ASXL2: variants seen among roughly 807,000 people sequenced by gnomAD.
The protein encoded by ASXL2 is putative Polycomb group protein ASXL2.
ASXL2 carries 23 observed loss-of-function variants against 122.0 expected under a neutral mutation model. The ratio of observed to expected loss-of-function variants is 0.19; its 90% CI spans 0.14 to 0.27. ASXL2 has a LOEUF of 0.27. Ranked by LOEUF, ASXL2 falls within the 10% of genes least tolerant of loss-of-function variation. The pLI, the probability that ASXL2 is intolerant of heterozygous loss-of-function variation, is 1.00. For synonymous variants in ASXL2, 650 were observed against 637.0 expected (o/e 1.02, Z -0.31); for missense variants, 1,518 against 1,713.8 (o/e 0.89, Z 2.02).
At chr2:25,765,415 G>A (rs960536174) in intron 8 of ASXL2, among the ~76,000 whole-genome samples, 1 of 152,012 alleles carries the variant, frequency 6.6e-6, no homozygotes, top group Non-Finnish European at 1.5e-5. Context: ...GAACACGGGA[G>A]GCAGAGCTTG....
intron 3 of ASXL2, among the ~76,000 whole-genome samples, chr2:25,829,811 T>C (rs549517096): frequency 6.6e-6 from 1 of 152,246 alleles, no homozygotes; most frequent in East Asian, 1.9e-4. Context: ...TGGGAGAAGA[T>C]CACAAAAATA....
chr2:25,839,637 T>A (rs2089553293), intron 2 of ASXL2, among the ~76,000 whole-genome samples: 3 of 131,544 alleles, frequency 2.3e-5, no homozygotes, highest in African/African-American at 8.9e-5. Context: ...TTTTTTTTTT[T>A]AAGAGGCAGG....
At chr2:25,824,478 T>TACAC (rs140466165) in intron 3 of ASXL2, among the ~76,000 whole-genome samples, 51 of 148,730 alleles carry the variant, frequency 3.4e-4, no homozygotes, top group African/African-American at 7.6e-4. Flanking sequence ...AGTGTGCACG[T>TACAC]ACACACACAC....
At chr2:25,781,951 C>CGG (rs371416553) in intron 5 of ASXL2, among the ~76,000 whole-genome samples, 1 of 21,302 alleles carries the variant, frequency 4.7e-5, no homozygotes, top group African/African-American at 1.4e-4. Context: ...CGTGAGCCAC[C>CGG]GCCCGGGCTT....
At chr2:25,777,033 T>TAA (rs2088557406) in intron 5 of ASXL2, among the ~76,000 whole-genome samples, 1 of 152,204 alleles carries the variant, frequency 6.6e-6, no homozygotes. Flanking sequence ...TTCCCAGAGT[T>TAA]GACTTAATGC....
intron 5 of ASXL2, among the ~76,000 whole-genome samples, chr2:25,774,093 T>C (rs1202361163): frequency 6.6e-6 from 1 of 151,790 alleles, no homozygotes; most frequent in Non-Finnish European, 1.5e-5. Flanking sequence ...AAGTATAAAA[T>C]TTGAGGCCTA....
intron 8 of ASXL2, among the ~76,000 whole-genome samples, chr2:25,766,164 C>T (rs939746564): frequency 8.6e-5 from 13 of 151,966 alleles, no homozygotes; most frequent in Admixed American, 7.2e-4. Context: ...ATTCTTGAAT[C>T]TTTCTATGTG....
intron 5 of ASXL2, among the ~76,000 whole-genome samples, chr2:25,796,829 T>C (rs2088917976): frequency 6.6e-6 from 1 of 152,228 alleles, no homozygotes. Flanking sequence ...ACTATCCTCA[T>C]GTGGCTATTT....
chr2:25,794,278 C>A (rs1447748616), intron 5 of ASXL2, among the ~76,000 whole-genome samples: 1 of 152,152 alleles, frequency 6.6e-6, no homozygotes, highest in Non-Finnish European at 1.5e-5. Flanking sequence ...ATTCTTAAGA[C>A]ACTTTAAAAG....
intron 1 of ASXL2, among the ~76,000 whole-genome samples, chr2:25,860,338 A>AT (rs2089828697): frequency 6.6e-6 from 1 of 151,772 alleles, no homozygotes; most frequent in African/African-American, 2.4e-5. Flanking sequence ...GGAAACAAAA[A>AT]AATATATATA....
Position 25,771,530 on chromosome 2 carries a change from G to C in ASXL2, c.414C>G (p.Ser138=). 6.2e-7 allele frequency: 1 copy of C among 1,609,614 alleles called. No individual in the cohort carries two copies. The highest frequency in any genetic ancestry group is 1.1e-5 in the South Asian group (1 of 90,722). The part of the protein sequence containing the change: ...KSRWKRKVSS[S]SPQSGCPSPT... Reference sequence around the variant, plus strand: ...GTGATGGGCAGCCTGACTGCGGGGAGGACGACGATACTAGGGAAAAAAAAG... The same window carrying C: ...GTGATGGGCAGCCTGACTGCGGGGACGACGACGATACTAGGGAAAAAAAAG... Residue 138 remains serine, a synonymous_variant, in exon 6 of 13, where the codon TCC becomes TCG. Coordinates refer to ENST00000435504, the MANE Select transcript of ASXL2 (RefSeq NM_018263.6).
intron 1 of ASXL2, among the ~76,000 whole-genome samples, chr2:25,877,441 TA>T (rs1262124111): frequency 1.3e-5 from 2 of 152,170 alleles, no homozygotes; most frequent in Non-Finnish European, 2.9e-5. Context: ...GCCCACTAAT[TA>T]CAACTTCATT....
chr2:25,775,516 T>C (rs1040636442), intron 5 of ASXL2, among the ~76,000 whole-genome samples: 4 of 152,182 alleles, frequency 2.6e-5, no homozygotes, highest in African/African-American at 7.2e-5. Flanking sequence ...GACTGGATCA[T>C]GGGGGCAGCT....
intron 8 of ASXL2, among the ~76,000 whole-genome samples, chr2:25,767,357 G>C (rs181258709): frequency 9.8e-4 from 150 of 152,294 alleles, no homozygotes; most frequent in Admixed American, 2.6e-3. Flanking sequence ...AGAGCTCAAA[G>C]GTAAACAGGG....
intron 3 of ASXL2, chr2:25,822,776 C>T (rs2089328020): frequency 1.7e-6 from 1 of 584,866 alleles, no homozygotes; most frequent in Non-Finnish European, 3.4e-6. Context: ...GTGTGGACTT[C>T]AGTAATTGGA....
rs759849507 is a variant in ASXL2 at position 25,767,755 on chromosome 2, G to A, written c.632-29C>T. On this transcript the variant is annotated intron_variant, in intron 7 of 12. Coordinates refer to ENST00000435504, the MANE Select transcript of ASXL2 (RefSeq NM_018263.6). ...GGAGAAAAAAATACGTATAAAGACT[G>A]GTAGCACTGAGATTATAGACAGAAT... 5 of 1,610,930 alleles carry A rather than the reference G, an allele frequency of 3.1e-6. No individual in the cohort carries two copies. In the East Asian group the frequency reaches 1.1e-4, roughly 36 times the overall value.
chr2:25,806,684 A>C (rs556605138), intron 3 of ASXL2, among the ~76,000 whole-genome samples: 1 of 152,302 alleles, frequency 6.6e-6, no homozygotes, highest in South Asian at 2.1e-4. Flanking sequence ...GAACACAAAC[A>C]CACACAGATT....
In ASXL2 at chr2:25,743,067, G is replaced by A. The variant is rs774482245; in HGVS notation, c.3270C>T (p.Phe1090=). 9.9e-6 allele frequency: 16 copies of A among 1,614,020 alleles called. No homozygotes were observed. The East Asian group carries it at 1.3e-4, about 13-fold the overall frequency. ...LSVVPPSQFN[F]AHSGFQLEDI... is the part of the protein sequence containing the mutation. ...CTTCCAGCTGGAAACCTGAGTGAGC[G>A]AAGTTGAACTGTGAGGGCGGCACAA... The change falls in exon 13 of 13, where the codon TTC becomes TTT. Residue 1090 remains phenylalanine (F), a synonymous_variant. Transcript: ENST00000435504.
chr2:25,765,416 G>A (rs1280931437), intron 8 of ASXL2, among the ~76,000 whole-genome samples: 2 of 151,914 alleles, frequency 1.3e-5, no homozygotes, highest in Non-Finnish European at 2.9e-5. Context: ...AACACGGGAG[G>A]CAGAGCTTGC....
Sources: gnomAD v4.1 joint callset for allele counts (sites outside exome capture counted in the v4.1 genomes callset) on GRCh38, gnomAD v4.1.1 for gene constraint, MANE v1.5 for transcripts, NCBI Gene and HGNC (gene_info 2026-07-23, HGNC 2026-07-21) for gene names.